GRM7: variants seen among roughly 807,000 people sequenced by gnomAD.
The protein encoded by GRM7 is glutamate metabotropic receptor 7.
In GRM7, 35 loss-of-function variants were observed where a neutral mutation model predicts 84.5. The ratio of observed to expected loss-of-function variants is 0.41; its 90% CI spans 0.32 to 0.55. The LOEUF (loss-of-function observed/expected upper bound fraction) is 0.55. Among genes scored for constraint, GRM7 ranks in the 20% least tolerant of loss-of-function variants. The probability of loss-of-function intolerance (pLI) is 0.19; values close to 1 mark genes in which losing one functional copy is unlikely to be tolerated. For synonymous variants in GRM7, 487 were observed against 455.1 expected (o/e 1.07, Z -0.89); for missense variants, 1,003 against 1,194.6 (o/e 0.84, Z 2.36).
intron 7 of GRM7, among the ~76,000 whole-genome samples, chr3:7,530,318 C>A (rs927850702): frequency 1.3e-5 from 2 of 152,028 alleles, no homozygotes; most frequent in Non-Finnish European, 2.9e-5. Context: ...GTATATGTGC[C>A]GCATTTTCTT....
At chr3:7,728,717 A>G (rs137881233) in intron 9 of GRM7, among the ~76,000 whole-genome samples, 47 of 152,260 alleles carry the variant, frequency 3.1e-4, no homozygotes, top group African/African-American at 1.1e-3. Context: ...AGGTTTAATT[A>G]TTAACTTAAT....
intron 9 of GRM7, among the ~76,000 whole-genome samples, chr3:7,705,772 C>T (rs1028146414): frequency 1.3e-5 from 2 of 152,152 alleles, no homozygotes; most frequent in African/African-American, 4.8e-5. Flanking sequence ...TAATATACAT[C>T]AAGTGGCACC....
chr3:7,008,795 C>T (rs1422661598), intron 1 of GRM7, among the ~76,000 whole-genome samples: 2 of 152,128 alleles, frequency 1.3e-5, no homozygotes, highest in African/African-American at 4.8e-5. Flanking sequence ...CCTCTTCTTT[C>T]TCCTTTCTCC....
chr3:7,556,791 A>G (rs1575490144), intron 7 of GRM7, among the ~76,000 whole-genome samples: 1 of 152,182 alleles, frequency 6.6e-6, no homozygotes, highest in African/African-American at 2.4e-5. Context: ...TAGGAATGGT[A>G]TCCTTGAAGA....
At chr3:7,391,794 C>A (rs1430587479) in intron 4 of GRM7, among the ~76,000 whole-genome samples, 1 of 151,504 alleles carries the variant, frequency 6.6e-6, no homozygotes, top group African/African-American at 2.4e-5. Context: ...AGGTAGAGGT[C>A]AGGGGAGAGG....
intron 8 of GRM7, among the ~76,000 whole-genome samples, chr3:7,656,479 G>A (rs1209232791): frequency 6.6e-6 from 1 of 150,444 alleles, no homozygotes; most frequent in African/African-American, 2.4e-5. Context: ...CTGGGCGACA[G>A]AGCAAGACTC....
intron 9 of GRM7, among the ~76,000 whole-genome samples, chr3:7,712,327 G>A (rs1289003366): frequency 6.6e-6 from 1 of 152,130 alleles, no homozygotes; most frequent in Admixed American, 6.5e-5. Flanking sequence ...GTTGGGTGGG[G>A]GCTGTAGGAC....
chr3:7,331,651 T>G (rs964014690), intron 4 of GRM7, among the ~76,000 whole-genome samples: 1 of 152,164 alleles, frequency 6.6e-6, no homozygotes, highest in African/African-American at 2.4e-5. Flanking sequence ...TTCCACATAT[T>G]TCCAGGAGCT....
intron 5 of GRM7, among the ~76,000 whole-genome samples, chr3:7,419,996 T>A (rs533234269): frequency 6.6e-6 from 1 of 152,316 alleles, no homozygotes; most frequent in South Asian, 2.1e-4. Flanking sequence ...CTGATAAATG[T>A]CTACATTTTG....
At chr3:7,162,730 T>C (rs888335028) in intron 2 of GRM7, among the ~76,000 whole-genome samples, 1 of 15,420 alleles carries the variant, frequency 6.5e-5, no homozygotes, top group Non-Finnish European at 1.2e-4. Context: ...CCATTTTTCA[T>C]TTTTTTTTTT....
intron 2 of GRM7, among the ~76,000 whole-genome samples, chr3:7,169,581 G>A (rs534649669): frequency 5.3e-5 from 8 of 152,198 alleles, no homozygotes; most frequent in Non-Finnish European, 7.3e-5. Context: ...AGCACATAGC[G>A]ATGAAGGCAG....
chr3:7,285,204 C>A (rs981368323), intron 2 of GRM7, among the ~76,000 whole-genome samples: 9 of 152,172 alleles, frequency 5.9e-5, no homozygotes, highest in African/African-American at 2.2e-4. Context: ...AAAAAGTTTG[C>A]TGACTCCTAA....
intron 6 of GRM7, among the ~76,000 whole-genome samples, chr3:7,456,580 C>G (rs1171686184): frequency 6.6e-6 from 1 of 151,892 alleles, no homozygotes; most frequent in Non-Finnish European, 1.5e-5. Context: ...AATCTGCTTC[C>G]TGGAATGTTA....
intron 7 of GRM7, among the ~76,000 whole-genome samples, chr3:7,467,081 C>T (rs777984372): frequency 6.6e-6 from 1 of 152,114 alleles, no homozygotes; most frequent in Non-Finnish European, 1.5e-5. Context: ...CTGAGAAGGG[C>T]ACACAAGTTT....
chr3:7,660,911 A>G (rs1478378886), intron 8 of GRM7, among the ~76,000 whole-genome samples: 1 of 152,226 alleles, frequency 6.6e-6, no homozygotes, highest in Admixed American at 6.5e-5. Context: ...AGTAATAGTA[A>G]TATCCAAAAT....
At chr3:6,943,393 G>A (rs533899345) in intron 1 of GRM7, among the ~76,000 whole-genome samples, 273 of 151,942 alleles carry the variant, frequency 1.8e-3, no homozygotes, top group African/African-American at 6.4e-3. Context: ...TGTGTGTTAT[G>A]AATTAAAGTT....
chr3:7,038,123 A>T (rs1322935011), intron 1 of GRM7, among the ~76,000 whole-genome samples: 1 of 152,194 alleles, frequency 6.6e-6, no homozygotes, highest in Non-Finnish European at 1.5e-5. Context: ...AGTCCATTGC[A>T]GTGGAATCCT....
At chr3:7,588,774 T>C (rs1029163656) in intron 8 of GRM7, among the ~76,000 whole-genome samples, 4 of 152,150 alleles carry the variant, frequency 2.6e-5, no homozygotes, top group Admixed American at 2.0e-4. Context: ...GGTGGACAAA[T>C]GAATGACTGA....
intron 4 of GRM7, among the ~76,000 whole-genome samples, chr3:7,310,526 T>C (rs1397319000): frequency 6.6e-6 from 1 of 152,170 alleles, no homozygotes; most frequent in Admixed American, 6.5e-5. Context: ...TCTACCTGTG[T>C]CACAGGGTTT....
Sources: gnomAD v4.1 joint callset for allele counts (sites outside exome capture counted in the v4.1 genomes callset) on GRCh38, gnomAD v4.1.1 for gene constraint, MANE v1.5 for transcripts, NCBI Gene and HGNC (gene_info 2026-07-23, HGNC 2026-07-21) for gene names.